CSGALNACT1: variants seen among roughly 807,000 people sequenced by gnomAD.
The protein encoded by CSGALNACT1 is chondroitin sulfate N-acetylgalactosaminyltransferase 1, also known as beta4GalNAcT-1.
Under a neutral mutation model 51.0 loss-of-function variants are expected in CSGALNACT1, and 52 were observed. The observed-to-expected ratio is 1.02, with a 90% CI of 0.82 to 1.29. The LOEUF (loss-of-function observed/expected upper bound fraction) is 1.29, where lower values mean the gene tolerates loss of function less well. CSGALNACT1 is among the 50% of genes most tolerant of loss of function. The pLI is 0.00. For synonymous variants in CSGALNACT1, 341 were observed against 254.4 expected (o/e 1.34, Z -3.24); for missense variants, 935 against 679.2 (o/e 1.38, Z -4.19).
intron 3 of CSGALNACT1, among the ~76,000 whole-genome samples, chr8:19,577,250 A>T (rs1213236593): frequency 6.6e-6 from 1 of 152,048 alleles, no homozygotes; most frequent in African/African-American, 2.4e-5. Context: ...GCTGGGGATG[A>T]GTCGTGTGGC....
intron 1 of CSGALNACT1, among the ~76,000 whole-genome samples, chr8:19,630,194 CTGTGTGTGTGTG>C (rs55947851): frequency 0.046 from 6,308 of 137,866 alleles, 145 homozygotes; most frequent in Non-Finnish European, 0.051. Flanking sequence ...TCCCACGTCT[CTGTGTGTGTGTG>C]TGTGTGTGTG....
intron 4 of CSGALNACT1, among the ~76,000 whole-genome samples, chr8:19,475,415 A>G (rs1163824849): frequency 6.6e-6 from 1 of 152,164 alleles, no homozygotes; most frequent in Non-Finnish European, 1.5e-5. Flanking sequence ...CCCTACAGCT[A>G]AAACAAAATC....
At chr8:19,592,259 A>G (rs993650714) in intron 2 of CSGALNACT1, among the ~76,000 whole-genome samples, 1 of 152,226 alleles carries the variant, frequency 6.6e-6, no homozygotes, top group East Asian at 1.9e-4. Context: ...GCAAATTCAA[A>G]TAAATGTTAA....
At chr8:19,557,896 A>T (rs556283709) in intron 3 of CSGALNACT1, among the ~76,000 whole-genome samples, 1 of 152,342 alleles carries the variant, frequency 6.6e-6, no homozygotes, top group South Asian at 2.1e-4. Context: ...GTAGCTTTTC[A>T]AGAAACTTGT....
At chr8:19,523,645 A>C (rs2081144938) in intron 3 of CSGALNACT1, among the ~76,000 whole-genome samples, 1 of 152,164 alleles carries the variant, frequency 6.6e-6, no homozygotes, top group Non-Finnish European at 1.5e-5. Flanking sequence ...TCAGTAAATA[A>C]TGTTATAAAC....
chr8:19,749,955 C>G (rs150126987), intron 1 of CSGALNACT1, among the ~76,000 whole-genome samples: 100 of 152,298 alleles, frequency 6.6e-4, no homozygotes, highest in African/African-American at 2.3e-3. Context: ...GGCTGCAGCT[C>G]TCCTCTGAGC....
At chr8:19,631,315 C>G (rs1213015412) in intron 1 of CSGALNACT1, among the ~76,000 whole-genome samples, 2 of 152,130 alleles carry the variant, frequency 1.3e-5, no homozygotes, top group African/African-American at 2.4e-5. Context: ...TTTGCACTCC[C>G]ACCAGCAATG....
At chr8:19,656,418 T>A (rs1413481414) in intron 1 of CSGALNACT1, among the ~76,000 whole-genome samples, 1 of 152,102 alleles carries the variant, frequency 6.6e-6, no homozygotes, top group East Asian at 1.9e-4. Context: ...AGGATGCTAG[T>A]GCCAGAAGAA....
At chr8:19,404,945 C>A (rs1170697572) in exon 10 of CSGALNACT1, 1 of 453,146 alleles carries the variant, frequency 2.2e-6, no homozygotes, top group Non-Finnish European at 4.4e-6. Flanking sequence ...TGTCTCAATG[C>A]CTGACATTCA....
chr8:19,612,738 G>A (rs948110329), intron 1 of CSGALNACT1, among the ~76,000 whole-genome samples: 6 of 151,942 alleles, frequency 3.9e-5, no homozygotes, highest in Middle Eastern at 3.4e-3. Context: ...GCGAGATTCC[G>A]TGTATTTCTA....
intron 5 of CSGALNACT1, chr8:19,457,678 A>G (rs1319389101): frequency 2.3e-6 from 3 of 1,301,856 alleles, no homozygotes; most frequent in Middle Eastern, 2.1e-4. Flanking sequence ...AGGATTTTCT[A>G]TGTTTAAAAC....
At chr8:19,498,676 CCT>C (rs1181723419) in intron 4 of CSGALNACT1, among the ~76,000 whole-genome samples, 5 of 152,180 alleles carry the variant, frequency 3.3e-5, no homozygotes, top group Non-Finnish European at 7.3e-5. Flanking sequence ...AGCCAGAACC[CCT>C]CTTTCCCCTG....
intron 3 of CSGALNACT1, among the ~76,000 whole-genome samples, chr8:19,539,730 G>T (rs1407501200): frequency 6.6e-6 from 1 of 152,192 alleles, no homozygotes; most frequent in Non-Finnish European, 1.5e-5. Flanking sequence ...GAAAAAAATG[G>T]AAACAAGTGA....
At chr8:19,659,646 T>G (rs1193175073) in intron 1 of CSGALNACT1, among the ~76,000 whole-genome samples, 4 of 152,238 alleles carry the variant, frequency 2.6e-5, no homozygotes, top group Admixed American at 6.5e-5. Flanking sequence ...GCTTAAATTC[T>G]CATCTTCTCT....
At chr8:19,420,469 A>G (rs761842328) in exon 7 of CSGALNACT1, 1 of 1,614,224 alleles carries the variant, frequency 6.2e-7, no homozygotes, top group Non-Finnish European at 8.5e-7. Context: ...TTTCCCCGAG[A>G]AAATTCTCCA....
At chr8:19,635,740 T>A (rs894113249) in intron 1 of CSGALNACT1, among the ~76,000 whole-genome samples, 1 of 152,166 alleles carries the variant, frequency 6.6e-6, no homozygotes, top group African/African-American at 2.4e-5. Flanking sequence ...TTTCGTTTTG[T>A]TTTTTGAGAC....
chr8:19,656,512 G>A (rs1200313806), intron 1 of CSGALNACT1, among the ~76,000 whole-genome samples: 2 of 151,318 alleles, frequency 1.3e-5, no homozygotes, highest in African/African-American at 4.9e-5. Flanking sequence ...AAATATTCAG[G>A]AAACTGAATT....
intron 1 of CSGALNACT1, among the ~76,000 whole-genome samples, chr8:19,616,698 C>CTA (rs1273405492): frequency 6.6e-6 from 1 of 152,140 alleles, no homozygotes; most frequent in Admixed American, 6.5e-5. Flanking sequence ...CTCTCTCTCT[C>CTA]GCTTCTACTC....
In CSGALNACT1 at chr8:19,652,007, T is replaced by C. The variant is rs370164111; in HGVS notation, c.-544+30466A>G. On this transcript the variant is annotated intron_variant, in intron 1 of 9. Coordinates refer to the CSGALNACT1 transcript ENST00000332246. ...GTACAGTGGCGTGATCTCCGCTCAC[T>C]GCAACCTTCACCGCCTGGGCTCAAG... Among the ~76,000 whole-genome samples the C allele has an allele frequency of 1.1e-4, 16 of 152,234 alleles. No individual in the cohort carries two copies. In the East Asian group the frequency reaches 1.7e-3, roughly 17 times the overall value.
Sources: allele counts gnomAD v4.1 joint callset (sites outside exome capture counted in the v4.1 genomes callset), GRCh38; gene constraint gnomAD v4.1.1; transcripts MANE v1.5; gene names NCBI Gene and HGNC (gene_info 2026-07-23, HGNC 2026-07-21).